Variants in SERPINB10 observed in about 807,000 individuals in gnomAD.
The protein encoded by SERPINB10 is serpin B10.
Under a neutral mutation model 39.1 loss-of-function variants are expected in SERPINB10, and 35 were observed. The observed-to-expected ratio is 0.90, with a 90% CI of 0.68 to 1.19. The LOEUF is 1.19. Ranked by LOEUF, SERPINB10 falls within the 50% of genes most tolerant of loss-of-function variation. SERPINB10 has a pLI of 0.00. For missense variants in SERPINB10, 546 were observed against 460.5 expected, an observed-to-expected ratio of 1.19 and a Z score of -1.70; for synonymous variants, 190 against 158.1, an observed-to-expected ratio of 1.20 and a Z score of -1.52.
intron 1 of SERPINB10, among the ~76,000 whole-genome samples, chr18:63,908,752 T>C (rs2050043289): frequency 6.6e-6 from 1 of 152,020 alleles, no homozygotes; most frequent in Admixed American, 6.6e-5. Flanking sequence ...CACAACTCCA[T>C]GAGGAGGTAA....
chr18:63,909,243 G>T (rs2050046947), intron 1 of SERPINB10, among the ~76,000 whole-genome samples: 1 of 152,022 alleles, frequency 6.6e-6, no homozygotes, highest in African/African-American at 2.4e-5. Context: ...AACTGCAAAA[G>T]AGCAATTAAT....
intron 6 of SERPINB10, among the ~76,000 whole-genome samples, chr18:63,931,807 G>T (rs2050224245): frequency 6.6e-6 from 1 of 152,076 alleles, no homozygotes; most frequent in African/African-American, 2.4e-5. Flanking sequence ...CACTCTTGAT[G>T]TCGTACTGTT....
At chr18:63,929,199 A>G (rs2050201835) in intron 5 of SERPINB10, among the ~76,000 whole-genome samples, 1 of 152,170 alleles carries the variant, frequency 6.6e-6, no homozygotes, top group African/African-American at 2.4e-5. Context: ...ATATATGTAT[A>G]TATTTTTTCC....
rs2050210473 is a variant in SERPINB10 at position 63,930,072 on chromosome 18, A to T, written c.518A>T (p.Asp173Val). ...EGKIQNLLPDDSVDSTTRMIL... is the reference protein window; with the variant it reads ...EGKIQNLLPDVSVDSTTRMIL... ...AAAATCCAGAATCTCCTGCCTGATG[A>T]CTCTGTGGATTCCACAACCAGGATG... Residue 173 changes from aspartate (D) to valine (V), a missense_variant, in exon 6 of 8, where the codon GAC (aspartate) becomes GTC (valine). Physicochemically the swap from Asp to Val is radical, Grantham distance 152 (BLOSUM62 -3). Transcript: ENST00000238508. The T allele has an allele frequency of 6.2e-7, 1 of 1,613,384 alleles. No individual in the cohort carries two copies. The highest frequency in any genetic ancestry group is 8.5e-7 in the Non-Finnish European group (1 of 1,179,632).
chr18:63,928,546 G>T (rs1178688352), intron 5 of SERPINB10, among the ~76,000 whole-genome samples: 1 of 152,000 alleles, frequency 6.6e-6, no homozygotes, highest in Non-Finnish European at 1.5e-5. Flanking sequence ...AGCAGCTCAC[G>T]GTTTGTGGCT....
chr18:63,931,871 C>T (rs1405839310), intron 6 of SERPINB10, among the ~76,000 whole-genome samples: 7 of 152,136 alleles, frequency 4.6e-5, no homozygotes, highest in South Asian at 2.1e-4. Flanking sequence ...AATGGCATTC[C>T]GAATAGTTTC....
chr18:63,914,304 C>T (rs537493642), intron 1 of SERPINB10, among the ~76,000 whole-genome samples: 73 of 152,048 alleles, frequency 4.8e-4, no homozygotes, highest in Non-Finnish European at 7.7e-4. Flanking sequence ...GATCCTATTG[C>T]GAAGTTATTA....
chr18:63,933,368 A>C (rs2144741105), intron 7 of SERPINB10, among the ~76,000 whole-genome samples, 165 bp downstream of exon 7: 1 of 152,284 alleles, frequency 6.6e-6, no homozygotes, highest in Middle Eastern at 3.4e-3. Context: ...TAGGCACTTC[A>C]CCTTCACAAT....
At chr18:63,916,230 G>A (rs2050101305) in intron 2 of SERPINB10, among the ~76,000 whole-genome samples, 1 of 146,796 alleles carries the variant, frequency 6.8e-6, no homozygotes, top group African/African-American at 2.7e-5. Flanking sequence ...AAAACATTGT[G>A]CGTATGTAAA....
chr18:63,917,568 C>G, intron 3 of SERPINB10, 47 bp downstream of exon 3: 1 of 1,096,844 alleles, frequency 9.1e-7, no homozygotes, highest in South Asian at 1.7e-5. Flanking sequence ...GGAAAAAGTA[C>G]TTTTAGCACA....
At chr18:63,926,031 T>C (rs1244799406) in intron 5 of SERPINB10, among the ~76,000 whole-genome samples, 2 of 152,034 alleles carry the variant, frequency 1.3e-5, no homozygotes, top group Admixed American at 6.6e-5. Flanking sequence ...CCTAGGGCTG[T>C]CATAACACAT....
chr18:63,912,159 T>A (rs1209370542), intron 1 of SERPINB10, among the ~76,000 whole-genome samples: 1 of 152,052 alleles, frequency 6.6e-6, no homozygotes, highest in East Asian at 1.9e-4. Flanking sequence ...CTGAAGCCAT[T>A]TTTCGGTTCC....
At chr18:63,916,504 A>G (rs1352880424) in intron 2 of SERPINB10, among the ~76,000 whole-genome samples, 3 of 152,022 alleles carry the variant, frequency 2.0e-5, no homozygotes, top group African/African-American at 7.2e-5. Flanking sequence ...AACACATGCT[A>G]TATTAGTCTG....
At chr18:63,914,165 G>A (rs1480130156) in intron 1 of SERPINB10, among the ~76,000 whole-genome samples, 1 of 152,092 alleles carries the variant, frequency 6.6e-6, no homozygotes, top group Non-Finnish European at 1.5e-5. Context: ...GTTATTACAT[G>A]TGAAATGGGT....
intron 7 of SERPINB10, among the ~76,000 whole-genome samples, 173 bp from the exon 8 acceptor site, chr18:63,934,665 T>C (rs537632063): frequency 1.3e-5 from 2 of 152,356 alleles, no homozygotes; most frequent in East Asian, 1.9e-4. Flanking sequence ...AAAAAAGATT[T>C]TGAAGGTCAA....
At chr18:63,924,846 C>G (rs1007976911) in intron 5 of SERPINB10, among the ~76,000 whole-genome samples, 1 of 151,938 alleles carries the variant, frequency 6.6e-6, no homozygotes, top group African/African-American at 2.4e-5. Context: ...GCTTGTAGCA[C>G]TGTTTCAGAT....
intron 5 of SERPINB10, 88 bp downstream of exon 5, chr18:63,919,993 C>CCTG: frequency 1.4e-6 from 1 of 715,786 alleles, no homozygotes; most frequent in Non-Finnish European, 2.4e-6. Context: ...AGTATGTATA[C>CCTG]TCCTTAAATA....
chr18:63,919,818 G>C lies in SERPINB10; in HGVS notation c.403G>C (p.Gly135Arg). The C allele has an allele frequency of 6.2e-7, 1 of 1,606,522 alleles. No homozygotes were observed. The change falls in exon 5 of 8, where the codon GGT becomes CGT. Residue 135 changes from glycine (G) to arginine (R), a missense_variant. By Grantham distance (125) the Gly-to-Arg change is moderately radical. Transcript: ENST00000238508. Reference protein sequence around the residue: ...KYLEDMKTYFGAEPQPVNFVE... With the variant: ...KYLEDMKTYFRAEPQPVNFVE... Reference sequence around the variant, plus strand: ...TTTAGAAGACATGAAAACATATTTTGGTGCAGAACCTCAGCCTGTTAACTT... The same window carrying C: ...TTTAGAAGACATGAAAACATATTTTCGTGCAGAACCTCAGCCTGTTAACTT...
rs1044863091 is a variant in SERPINB10 at position 63,929,170 on chromosome 18, C to A, written c.491-875C>A. ...TCAAACCCTATCTAATTACAGCTTTCCACCTTCTCTTAATCTCCATATATG... is the reference window on the plus strand; with the variant it reads ...TCAAACCCTATCTAATTACAGCTTTACACCTTCTCTTAATCTCCATATATG... On this transcript the variant is annotated intron_variant, in intron 5 of 7. Coordinates refer to ENST00000238508, the MANE Select transcript of SERPINB10 (RefSeq NM_005024.3). Among the ~76,000 whole-genome samples, 23 of 152,186 alleles carry A rather than the reference C, an allele frequency of 1.5e-4. No homozygotes were observed. In the South Asian group the frequency reaches 1.7e-3, roughly 11 times the overall value.
Sources: allele counts gnomAD v4.1 joint callset (sites outside exome capture counted in the v4.1 genomes callset), GRCh38; gene constraint gnomAD v4.1.1; transcripts MANE v1.5; gene names NCBI Gene and HGNC (gene_info 2026-07-23, HGNC 2026-07-21).